UBE2W: variants seen among roughly 807,000 people sequenced by gnomAD.
UBE2W encodes the protein ubiquitin-conjugating enzyme E2 W.
A neutral mutation model predicts 27.2 loss-of-function variants in UBE2W; 18 were observed. The observed-to-expected ratio is 0.66, with a 90% CI of 0.46 to 0.98. The LOEUF (loss-of-function observed/expected upper bound fraction) is 0.98, where lower values mean the gene tolerates loss of function less well. UBE2W is among the 50% of genes least tolerant of loss of function. UBE2W has a pLI of 0.00. For missense variants in UBE2W, 90 were observed against 180.2 expected (o/e 0.50, Z 2.87); for synonymous variants, 53 against 57.2 (o/e 0.93, Z 0.33).
At chr8:73,796,910 A>AC (rs56117227) in intron 5 of UBE2W, among the ~76,000 whole-genome samples, 151,396 of 152,260 alleles carry the variant, frequency 0.99, 75,270 homozygotes, top group Middle Eastern at 1. Context: ...AAATAAAAAA[A>AC]ATCAGAGTAA....
intron 3 of UBE2W, among the ~76,000 whole-genome samples, chr8:73,812,876 G>T (rs984262191): frequency 2.6e-5 from 4 of 151,606 alleles, no homozygotes; most frequent in Admixed American, 6.6e-5. Flanking sequence ...GCGGTGGCAC[G>T]TGCCTGTCAT....
intron 2 of UBE2W, among the ~76,000 whole-genome samples, chr8:73,828,738 A>G (rs540016220): frequency 6.6e-6 from 1 of 152,306 alleles, no homozygotes; most frequent in South Asian, 2.1e-4. Flanking sequence ...TAAATGGGGT[A>G]TCCATCACCT....
intron 1 of UBE2W, among the ~76,000 whole-genome samples, chr8:73,847,291 A>C (rs867541872): frequency 2.6e-5 from 4 of 152,236 alleles, no homozygotes; most frequent in African/African-American, 9.6e-5. Flanking sequence ...AGATAAATGC[A>C]AATTAAAGCC....
At chr8:73,805,937 T>C (rs534379510) in intron 4 of UBE2W, among the ~76,000 whole-genome samples, 3 of 152,238 alleles carry the variant, frequency 2.0e-5, no homozygotes, top group Non-Finnish European at 2.9e-5. Context: ...CGTGTTTGAG[T>C]GTGGTCTGTG....
chr8:73,873,093 G>A (rs1812073518), intron 1 of UBE2W, among the ~76,000 whole-genome samples: 1 of 151,886 alleles, frequency 6.6e-6, no homozygotes, highest in South Asian at 2.1e-4. Context: ...ATTTTTAGTA[G>A]AGACTAGGTT....
At chr8:73,833,670 AC>A (rs1810186760) in intron 1 of UBE2W, 1 of 152,178 alleles carries the variant, frequency 6.6e-6, no homozygotes, top group East Asian at 1.9e-4. Context: ...ACAAAACAAA[AC>A]AAAACACAGT....
chr8:73,855,802 T>G (rs1374967958), intron 1 of UBE2W, among the ~76,000 whole-genome samples: 2 of 152,102 alleles, frequency 1.3e-5, no homozygotes, highest in African/African-American at 4.8e-5. Context: ...TTTTTGTTAA[T>G]AAAAAAATCA....
intron 2 of UBE2W, among the ~76,000 whole-genome samples, chr8:73,828,003 T>C (rs1411421581): frequency 6.6e-6 from 1 of 152,248 alleles, no homozygotes; most frequent in African/African-American, 2.4e-5. Flanking sequence ...GAAGCCTATA[T>C]GAAATGGCAG....
At chr8:73,783,388 T>C (rs1473419699), downstream of UBE2W, among the ~76,000 whole-genome samples, 2 of 152,198 alleles carry the variant, frequency 1.3e-5, no homozygotes. Context: ...TATACAGTGT[T>C]AGGTAAGATT....
intron 3 of UBE2W, among the ~76,000 whole-genome samples, chr8:73,813,287 T>C (rs1809247770): frequency 6.6e-6 from 1 of 152,024 alleles, no homozygotes; most frequent in Admixed American, 6.5e-5. Context: ...AGCCAGTAAG[T>C]AGGCATGAAC....
At chr8:73,834,543 G>A (rs769661487) in intron 1 of UBE2W, among the ~76,000 whole-genome samples, 16 of 152,208 alleles carry the variant, frequency 1.1e-4, no homozygotes, top group Non-Finnish European at 1.9e-4. Flanking sequence ...TCAGGGGGCT[G>A]AGGCAGGAGA....
rs1216938456 is a variant in UBE2W, at chr8:73,789,261, A to T, written c.*4841T>A. On this transcript the variant is annotated 3_prime_UTR_variant, in exon 6 of 6. Transcript: ENST00000602593. Reference sequence around the variant, plus strand: ...TGAGGCAGGAGGAATGCTTGAGCCCAGGAATTCAAGATCAGCCTGGGCAAC... The same window carrying T: ...TGAGGCAGGAGGAATGCTTGAGCCCTGGAATTCAAGATCAGCCTGGGCAAC... 2.6e-6 allele frequency: 2 copies of T among 776,384 alleles called. No homozygotes were observed. Among genetic ancestry groups the T allele is most frequent in the African/African-American group, 4.1e-5 (2 of 49,348 alleles). 48.1% of individuals were successfully genotyped at this position (776,384 alleles called of 1,614,324 possible). A position where few individuals can be genotyped will look rare whatever the true frequency, so the allele number is the denominator to read the frequency against.
At chr8:73,806,992 A>T (rs928979482) in intron 4 of UBE2W, among the ~76,000 whole-genome samples, 16 of 152,334 alleles carry the variant, frequency 1.1e-4, no homozygotes, top group African/African-American at 3.6e-4. Context: ...TGATGCCAAC[A>T]ACACTGAAGA....
intron 4 of UBE2W, among the ~76,000 whole-genome samples, chr8:73,809,601 C>T (rs1172962106): frequency 6.6e-6 from 1 of 151,972 alleles, no homozygotes; most frequent in East Asian, 1.9e-4. Context: ...TTATTATTTT[C>T]TTGAGATGGA....
At chr8:73,810,915 A>G (rs1809127055) in intron 3 of UBE2W, among the ~76,000 whole-genome samples, 1 of 152,198 alleles carries the variant, frequency 6.6e-6, no homozygotes, top group Admixed American at 6.5e-5. Context: ...ATTTTTTACT[A>G]GTGAAAGACA....
At chr8:73,846,093 C>T (rs1445723130) in intron 1 of UBE2W, among the ~76,000 whole-genome samples, 2 of 152,138 alleles carry the variant, frequency 1.3e-5, no homozygotes, top group African/African-American at 2.4e-5. Flanking sequence ...CAGTTCCTTA[C>T]GAAACAGCTC....
At chr8:73,845,012 G>T (rs1398303325) in intron 1 of UBE2W, among the ~76,000 whole-genome samples, 1 of 151,424 alleles carries the variant, frequency 6.6e-6, no homozygotes, top group Non-Finnish European at 1.5e-5. Context: ...TCCAGGAGGT[G>T]GGGGGCAGCC....
chr8:73,793,448 T>G lies in UBE2W; in HGVS notation c.*654A>C. Reference sequence around the variant, plus strand: ...AACATACTGTACCTCTCTGCCAATGTTACTTGAAAATCTTCCATGTCAAAA... The same window carrying G: ...AACATACTGTACCTCTCTGCCAATGGTACTTGAAAATCTTCCATGTCAAAA... On this transcript the variant is annotated 3_prime_UTR_variant, in exon 6 of 6. Coordinates refer to ENST00000602593, the MANE Select transcript of UBE2W (RefSeq NM_018299.6). 1 of 985,864 alleles carries G rather than the reference T, an allele frequency of 1.0e-6. No homozygotes were observed. The highest frequency in any genetic ancestry group is 1.2e-6 in the Non-Finnish European group (1 of 829,908). 61.1% of individuals were successfully genotyped at this position (985,864 alleles called of 1,614,324 possible).
Position 73,788,268 on chromosome 8 carries a change from A to C in UBE2W, c.*5834T>G. The stretch of plus-strand genomic sequence containing the variant: ...GTTTTAACATTTATATTCTATTTAA[A>C]AAGTAGTGACTTTACATATTTTGCA... On this transcript the variant is annotated 3_prime_UTR_variant, in exon 6 of 6. Coordinates refer to ENST00000602593, the MANE Select transcript of UBE2W (RefSeq NM_018299.6). 1.0e-6 allele frequency: 1 copy of C among 966,100 alleles called. No individual in the cohort carries two copies. The highest frequency in any genetic ancestry group is 1.2e-6 in the Non-Finnish European group (1 of 812,294). 59.8% of individuals were successfully genotyped at this position (966,100 alleles called of 1,614,324 possible). A position where few individuals can be genotyped will look rare whatever the true frequency, so the allele number is the denominator to read the frequency against.
Sources: allele counts gnomAD v4.1 joint callset (sites outside exome capture counted in the v4.1 genomes callset), GRCh38; gene constraint gnomAD v4.1.1; transcripts MANE v1.5; gene names NCBI Gene and HGNC (gene_info 2026-07-23, HGNC 2026-07-21).